Variants in PCDH11Y observed in about 807,000 individuals in gnomAD.
The protein encoded by PCDH11Y is protocadherin 11 Y-linked, also known as protocadherin-11 Y-linked.
For missense variants in PCDH11Y, 12 were observed against 224.8 expected (o/e 0.05, Z 6.05); for synonymous variants, 9 against 83.6 (o/e 0.11, Z 4.87).
chrY:5,325,430 T>C (rs2053118047), intron 2 of PCDH11Y, among the ~76,000 whole-genome samples: 3 of 31,757 alleles, frequency 9.4e-5, no homozygotes, highest in African/African-American at 2.5e-4. Flanking sequence ...GGGGTGATAT[T>C]GTGGGGATGT....
intron 2 of PCDH11Y, among the ~76,000 whole-genome samples, chrY:5,256,820 C>CT (rs1479558423): frequency 3.1e-3 from 100 of 32,696 alleles, no homozygotes; most frequent in Admixed American, 0.016. Context: ...AATGGGCTTA[C>CT]TTTTTTTTCC....
At chrY:5,224,507 G>A (rs2052957690) in intron 2 of PCDH11Y, among the ~76,000 whole-genome samples, 19 of 31,416 alleles carry the variant, frequency 6.0e-4, no homozygotes, top group Admixed American at 1.5e-3. Flanking sequence ...GGCTTTCGTC[G>A]TCTTAGCTGG....
intron 2 of PCDH11Y, among the ~76,000 whole-genome samples, chrY:5,400,783 A>G (rs2053233282): frequency 3.5e-5 from 1 of 28,984 alleles, no homozygotes; most frequent in Non-Finnish European, 8.1e-5. Flanking sequence ...TAAGATAAAC[A>G]AAAGGAAAAT....
chrY:5,288,981 A>G, intron 2 of PCDH11Y, among the ~76,000 whole-genome samples: 1 of 32,903 alleles, frequency 3.0e-5, no homozygotes, highest in African/African-American at 1.2e-4. Flanking sequence ...ATACAATACA[A>G]TGCACCAATT....
intron 2 of PCDH11Y, among the ~76,000 whole-genome samples, chrY:5,141,760 A>T: frequency 6.2e-5 from 1 of 16,243 alleles, no homozygotes; most frequent in African/African-American, 2.5e-4. Flanking sequence ...TACAAAAATC[A>T]ATTCAAGATG....
chrY:5,350,624 T>C, intron 2 of PCDH11Y, among the ~76,000 whole-genome samples: 1 of 32,354 alleles, frequency 3.1e-5, no homozygotes, highest in Admixed American at 2.9e-4. Context: ...AAGAATTGCT[T>C]GAACCCGGGA....
chrY:5,581,834 G>T, intron 4 of PCDH11Y, 36 bp downstream of exon 5: 2 of 359,503 alleles, frequency 5.6e-6, no homozygotes, highest in South Asian at 3.9e-5. Context: ...TCACCATGTT[G>T]CATGTTTCAT....
intron 4 of PCDH11Y, among the ~76,000 whole-genome samples, chrY:5,656,164 TA>T (rs2053535912): frequency 3.0e-5 from 1 of 32,907 alleles, no homozygotes; most frequent in Non-Finnish European, 7.4e-5. Flanking sequence ...TTTCTCTTAT[TA>T]TCAGTTATGT....
intron 2 of PCDH11Y, among the ~76,000 whole-genome samples, chrY:5,124,716 C>T (rs2525165): frequency 1.2e-4 from 4 of 32,522 alleles, no homozygotes; most frequent in African/African-American, 3.6e-4. Flanking sequence ...AGTCCTGGTC[C>T]CTCACCTGAG....
intron 3 of PCDH11Y, among the ~76,000 whole-genome samples, chrY:5,577,471 C>T: frequency 6.1e-5 from 2 of 32,794 alleles, no homozygotes. Context: ...GAAAATGTTT[C>T]GATTCCTAAG....
At chrY:5,388,022 CCCA>C in intron 2 of PCDH11Y, among the ~76,000 whole-genome samples, 1 of 31,169 alleles carries the variant, frequency 3.2e-5, no homozygotes, top group African/African-American at 1.3e-4. Flanking sequence ...CACCGTGCCC[CCCA>C]CCAAAACAGT....
At chrY:5,046,143 CG>C (rs2052637527) in intron 3 of PCDH11Y, among the ~76,000 whole-genome samples, 3 of 34,200 alleles carry the variant, frequency 8.8e-5, no homozygotes. Flanking sequence ...AGCTTTGTTC[CG>C]TTGCTGGTGA....
chrY:5,177,859 G>C (rs1602880984), intron 2 of PCDH11Y, among the ~76,000 whole-genome samples: 1 of 32,861 alleles, frequency 3.0e-5, no homozygotes, highest in East Asian at 8.1e-4. Flanking sequence ...TAATTGAATT[G>C]TTTGTATCTC....
In PCDH11Y at chrY:5,029,766, T is replaced by C. The variant is rs2124621215; in HGVS notation, c.-133-2140T>C. Among the ~76,000 whole-genome samples the C allele has an allele frequency of 2.5e-4, 7 of 28,337 alleles. No individual in the cohort carries two copies. The East Asian group carries it at 6.5e-3, about 26-fold the overall frequency. 76.0% of individuals were successfully genotyped at this position (28,337 alleles called of 37,273 possible). Reference sequence around the variant, plus strand: ...GGTGAAACCCTGTCTCAACTAAAAATACAAAAATTAGCTGGGCATGGTGAC... The same window carrying C: ...GGTGAAACCCTGTCTCAACTAAAAACACAAAAATTAGCTGGGCATGGTGAC... On this transcript the variant is annotated intron_variant, in intron 1 of 5. Transcript: ENST00000333703.
intron 2 of PCDH11Y, among the ~76,000 whole-genome samples, chrY:5,489,684 G>A (rs2053336556): frequency 3.0e-5 from 1 of 32,852 alleles, no homozygotes; most frequent in South Asian, 6.7e-4. Flanking sequence ...TCCCAGAAAT[G>A]TTGCCCATAA....
At chrY:5,461,794 A>G in intron 2 of PCDH11Y, among the ~76,000 whole-genome samples, 1 of 33,093 alleles carries the variant, frequency 3.0e-5, no homozygotes, top group Admixed American at 2.8e-4. Flanking sequence ...CATGGCATCA[A>G]GTCTATATCC....
chrY:5,280,751 T>C (rs2053052709), intron 2 of PCDH11Y, among the ~76,000 whole-genome samples: 1 of 33,477 alleles, frequency 3.0e-5, no homozygotes, highest in African/African-American at 1.2e-4. Flanking sequence ...AATTCCTTTT[T>C]CTCCACAACC....
chrY:5,164,840 T>C, intron 2 of PCDH11Y, among the ~76,000 whole-genome samples: 4 of 33,368 alleles, frequency 1.2e-4, no homozygotes, highest in Admixed American at 5.5e-4. Context: ...AAAAATTCAC[T>C]TTAATTCTGA....
intron 3 of PCDH11Y, among the ~76,000 whole-genome samples, chrY:5,040,426 C>A: frequency 6.0e-5 from 2 of 33,538 alleles, no homozygotes; most frequent in African/African-American, 2.3e-4. Flanking sequence ...GTTGGTCCAG[C>A]AAGCAATACT....
Sources: allele counts gnomAD v4.1 joint callset (sites outside exome capture counted in the v4.1 genomes callset), GRCh38; gene constraint gnomAD v4.1.1; transcripts MANE v1.5; gene names NCBI Gene and HGNC (gene_info 2026-07-23, HGNC 2026-07-21).